DHRS3: variants seen among roughly 807,000 people sequenced by gnomAD.
DHRS3 encodes the protein short-chain dehydrogenase/reductase 3.
A neutral mutation model predicts 27.2 loss-of-function variants in DHRS3; 14 were observed. The observed-to-expected ratio is 0.52, with a 90% CI of 0.34 to 0.81. The LOEUF (loss-of-function observed/expected upper bound fraction) is 0.81. Among genes scored for constraint, DHRS3 ranks in the 30% least tolerant of loss-of-function variants. The pLI is 0.01. For synonymous variants in DHRS3, 165 were observed against 175.9 expected (o/e 0.94, Z 0.49); for missense variants, 322 against 406.2 (o/e 0.79, Z 1.78).
rs1179395600 is a variant in DHRS3 at position 12,568,150 on chromosome 1, G to C, written c.*190C>G. The C allele has an allele frequency of 1.8e-6, 1 of 555,400 alleles. No individual in the cohort carries two copies. The highest frequency in any genetic ancestry group is 3.3e-6 in the Non-Finnish European group (1 of 306,606). 34.4% of individuals were successfully genotyped at this position (555,400 alleles called of 1,614,324 possible). A position where few individuals can be genotyped will look rare whatever the true frequency, so the allele number is the denominator to read the frequency against. ...GGCTGTTTTCCTGCCTCCCTGTGGGGGTCAGTTATACCCATCAGTCCTGTG... is the reference window on the plus strand; with the variant it reads ...GGCTGTTTTCCTGCCTCCCTGTGGGCGTCAGTTATACCCATCAGTCCTGTG... On this transcript the variant is annotated 3_prime_UTR_variant, in exon 6 of 6. Transcript: ENST00000616661.
At chr1:12,585,131 G>C (rs762573592) in intron 1 of DHRS3, among the ~76,000 whole-genome samples, 1 of 150,636 alleles carries the variant, frequency 6.6e-6, no homozygotes, top group Non-Finnish European at 1.5e-5. Context: ...GTGTGAGAGA[G>C]AGTGTGTGTG....
intron 1 of DHRS3, among the ~76,000 whole-genome samples, chr1:12,582,179 G>A (rs180677391): frequency 1.2e-4 from 19 of 152,240 alleles, no homozygotes; most frequent in African/African-American, 4.6e-4. Context: ...CATTGATAAG[G>A]AGTTGCTAAT....
In DHRS3 at chr1:12,574,425, C is replaced by T. The variant is rs1646567895; in HGVS notation, c.699-1572G>A. On this transcript the variant is annotated intron_variant, in intron 4 of 5. Coordinates refer to ENST00000616661, the MANE Select transcript of DHRS3 (RefSeq NM_004753.7). The surrounding 1 kb of genome is among the most constrained non-coding windows in gnomAD (Gnocchi z 4.6). ...GAAGTGATTCCCCTGCCTCAGCCTC[C>T]CAAAGCACTGGGATTACTGGTGTGA... Among the ~76,000 whole-genome samples the T allele has an allele frequency of 6.6e-6, 1 of 152,220 alleles. No individual in the cohort carries two copies. The highest frequency in any genetic ancestry group is 2.1e-4 in the South Asian group (1 of 4,830).
chr1:12,598,004 C>T (rs1326811383), intron 1 of DHRS3, among the ~76,000 whole-genome samples: 1 of 152,162 alleles, frequency 6.6e-6, no homozygotes, highest in East Asian at 1.9e-4. Flanking sequence ...CCACGCTCCC[C>T]CAGGCAGCAG....
At chr1:12,614,510 C>CT (rs1438636699) in intron 1 of DHRS3, among the ~76,000 whole-genome samples, 1 of 144,846 alleles carries the variant, frequency 6.9e-6, no homozygotes, top group African/African-American at 2.5e-5. Context: ...CTTAGTGTGC[C>CT]TTTAAAAAAA....
chr1:12,617,857 C>CCCCAA lies in DHRS3; in HGVS notation c.-510_-509insTTGGG, dbSNP rs1646956401. On this transcript the variant is annotated 5_prime_UTR_variant, in exon 1 of 6. Coordinates refer to ENST00000616661, the MANE Select transcript of DHRS3 (RefSeq NM_004753.7). ...AGCGCCCCCACCCCCACCCCGTCTC[C>CCCCAA]AGAAAAAAAAAAAAAAAAAAAGTGG... 1 of 57,088 alleles carries CCCCAA rather than the reference C, an allele frequency of 1.8e-5. No homozygotes were observed. The highest frequency in any genetic ancestry group is 3.3e-5 in the Non-Finnish European group (1 of 29,950). The allele number at this position is 57,088 out of a possible 1,614,324, so 3.5% of individuals were successfully genotyped here. A position where few individuals can be genotyped will look rare whatever the true frequency, so the allele number is the denominator to read the frequency against.
At chr1:12,579,460 G>C in intron 2 of DHRS3, 48 bp from the exon 3 acceptor site, 1 of 1,600,954 alleles carries the variant, frequency 6.2e-7, no homozygotes, top group Middle Eastern at 1.7e-4. Context: ...CCAGCCCAGG[G>C]CCAACGATAT....
At chr1:12,612,300 C>A (rs1646915910) in intron 1 of DHRS3, among the ~76,000 whole-genome samples, 1 of 151,952 alleles carries the variant, frequency 6.6e-6, no homozygotes, top group African/African-American at 2.4e-5. Flanking sequence ...CTGTCTGGAC[C>A]CTTCTCTTCT....
chr1:12,569,241 A>ACG (rs1244429940), intron 5 of DHRS3, among the ~76,000 whole-genome samples: 4 of 145,396 alleles, frequency 2.8e-5, no homozygotes, highest in African/African-American at 7.4e-5. Context: ...TCACACACAC[A>ACG]CACACACACA....
chr1:12,612,690 A>T (rs924211980), intron 1 of DHRS3, among the ~76,000 whole-genome samples: 1 of 152,184 alleles, frequency 6.6e-6, no homozygotes, highest in African/African-American at 2.4e-5. Flanking sequence ...TGGAGCTATA[A>T]CTAGTTAAGG....
rs1473771338 is a variant in DHRS3 at position 12,578,379 on chromosome 1, A to G, written c.698+339T>C. Among the ~76,000 whole-genome samples the G allele has an allele frequency of 2.0e-5, 3 of 152,234 alleles. No homozygotes were observed. Among genetic ancestry groups the G allele is most frequent in the Admixed American group, 2.0e-4 (3 of 15,282 alleles). On this transcript the variant is annotated intron_variant, in intron 4 of 5. Coordinates refer to ENST00000616661, the MANE Select transcript of DHRS3 (RefSeq NM_004753.7). This position sits in a 1 kb window ranked among gnomAD's most constrained non-coding sequence, Gnocchi z 4.5. ...GGCTGGAGTGCAGTCGCACAATCAC[A>G]GCTCACTTGCAGCCTCAACTTCCTG...
intron 1 of DHRS3, among the ~76,000 whole-genome samples, chr1:12,582,317 T>C (rs897951671): frequency 2.6e-5 from 4 of 152,234 alleles, no homozygotes; most frequent in Non-Finnish European, 5.9e-5. Flanking sequence ...ATTTTTTAAA[T>C]TAGAGTTTTA....
intron 1 of DHRS3, among the ~76,000 whole-genome samples, chr1:12,588,665 C>T (rs940901531): frequency 2.6e-5 from 4 of 152,248 alleles, no homozygotes; most frequent in African/African-American, 9.6e-5. Context: ...AAGACACCAG[C>T]CCCAGGAGGA....
At chr1:12,590,925 T>C (rs1646740491) in intron 1 of DHRS3, among the ~76,000 whole-genome samples, 1 of 152,160 alleles carries the variant, frequency 6.6e-6, no homozygotes, top group Non-Finnish European at 1.5e-5. Flanking sequence ...CCTTCCACCT[T>C]TTTTTCTGGG....
chr1:12,577,159 G>A (rs1015926060), intron 4 of DHRS3, among the ~76,000 whole-genome samples: 5 of 152,018 alleles, frequency 3.3e-5, no homozygotes, highest in South Asian at 2.1e-4. Flanking sequence ...AGCACTGTAC[G>A]CTGGATTGCA....
At chr1:12,583,166 C>CCA (rs1646659671) in intron 1 of DHRS3, among the ~76,000 whole-genome samples, 1 of 149,660 alleles carries the variant, frequency 6.7e-6, no homozygotes, top group African/African-American at 2.5e-5. Context: ...ACCCACCCCA[C>CCA]TCCATCCATC....
chr1:12,580,756 T>C, intron 1 of DHRS3, 90 bp from the exon 2 acceptor site: 1 of 1,482,828 alleles, frequency 6.7e-7, no homozygotes, highest in Non-Finnish European at 9.1e-7. Context: ...TTTAAAGTCA[T>C]TTGTCTTGAA....
chr1:12,606,884 C>A (rs1036380046), intron 1 of DHRS3, among the ~76,000 whole-genome samples: 1 of 152,148 alleles, frequency 6.6e-6, no homozygotes, highest in Admixed American at 6.5e-5. Flanking sequence ...TTAACCACTA[C>A]AATCCTGAAG....
At chr1:12,570,625 AG>A (rs1646527511) in intron 5 of DHRS3, among the ~76,000 whole-genome samples, 1 of 152,142 alleles carries the variant, frequency 6.6e-6, no homozygotes, top group Non-Finnish European at 1.5e-5. Flanking sequence ...ATGAAGGCTG[AG>A]GGCTTACTGT....
Sources: gnomAD v4.1 joint callset for allele counts (sites outside exome capture counted in the v4.1 genomes callset) on GRCh38, gnomAD v4.1.1 for gene constraint, Gnocchi (gnomAD v3.1) non-coding constraint, MANE v1.5 for transcripts, NCBI Gene and HGNC (gene_info 2026-07-23, HGNC 2026-07-21) for gene names.